Variants in TTN observed in about 807,000 individuals in gnomAD.
TTN encodes the protein connectin.
A neutral mutation model predicts 3,223.0 loss-of-function variants in TTN; 1,525 were observed. The observed-to-expected ratio is 0.47, with a 90% CI of 0.45 to 0.49. The LOEUF is 0.49. Among genes scored for constraint, TTN ranks in the 20% least tolerant of loss-of-function variants. TTN has a pLI of 0.00. For missense variants in TTN, 40,786 were observed against 43,424.0 expected (o/e 0.94, Z 5.40); for synonymous variants, 14,094 against 15,161.0 (o/e 0.93, Z 5.17).
At chr2:178,750,872 A>G in intron 47 of TTN, 2 of 1,613,058 alleles carry the variant, frequency 1.2e-6, no homozygotes, top group East Asian at 2.2e-5. Context: ...AGTATTGGCC[A>G]TAATTTCTTC....
In TTN at chr2:178,634,349, C is replaced by G. The variant is rs774662480; in HGVS notation, c.42415+17G>C. ...CATGCCTTTATGGGATGTCACAGAT[C>G]TCATTAGCTCGCTTACCTGTGACAA... On this transcript the variant is annotated intron_variant, in intron 230 of 362. Transcript: ENST00000589042. This position sits in a 1 kb window ranked among gnomAD's most constrained non-coding sequence, Gnocchi z 4.6. The G allele has an allele frequency of 1.9e-6, 3 of 1,591,808 alleles. No homozygotes were observed. The South Asian group carries it at 3.5e-5, about 18-fold the overall frequency.
In TTN at chr2:178,569,210, C is replaced by A; in HGVS notation, c.76922G>T (p.Arg25641Leu). Reference sequence around the variant, plus strand: ...AGCATATGATTTTCTTGTGGCTTCACGTTTCTCAACAATGTAATTTTTTAT... The same window carrying A: ...AGCATATGATTTTCTTGTGGCTTCAAGTTTCTCAACAATGTAATTTTTTAT... ...SKIKNYIVEKREATRKSYAAV... is the reference protein window; with the variant it reads ...SKIKNYIVEKLEATRKSYAAV... The change falls in exon 326 of 363, where the codon CGT becomes CTT. Residue 25641 changes from arginine (R) to leucine (L), a missense_variant. Coordinates refer to ENST00000589042, the MANE Select transcript of TTN (RefSeq NM_001267550.2). 6.2e-7 allele frequency: 1 copy of A among 1,606,958 alleles called. No individual in the cohort carries two copies.
chr2:178,764,321 A>G lies in TTN; in HGVS notation c.9989-19T>C, dbSNP rs1216292737. 1 of 1,613,618 alleles carries G rather than the reference A, an allele frequency of 6.2e-7. No individual in the cohort carries two copies. The highest frequency in any genetic ancestry group is 1.1e-5 in the South Asian group (1 of 91,072). ...TCTGGAACTAAAGAAAGAAACCACA[A>G]GATTTGTCATGATTAAGTCACCATA... On this transcript the variant is annotated intron_variant, in intron 42 of 362. Coordinates refer to ENST00000589042, the MANE Select transcript of TTN (RefSeq NM_001267550.2).
rs148140756 is a variant in TTN at position 178,650,771 on chromosome 2, G to A, written c.39689C>T (p.Ala13230Val). ...EKPAVPVPER[A>V]ESPPPEVYEE... ...TGTACCTTCTGGGGGAGGAGACTCC[G>A]CTCTTTCTGGAACAGGAACAGCTGG... Residue 13230 changes from alanine (A) to valine (V), a missense_variant, in exon 209 of 363, where the codon GCG (alanine) becomes GTG (valine). By Grantham distance (64) the Ala-to-Val change is moderately conservative (BLOSUM62 0). Transcript: ENST00000589042. 1,576 of 1,606,584 alleles carry A rather than the reference G, an allele frequency of 9.8e-4. No homozygotes were observed. Among genetic ancestry groups the A allele is most frequent in the Non-Finnish European group, 1.2e-3 (1,370 of 1,176,418 alleles).
At position 178,542,539 on chromosome 2, in the gene TTN, G is replaced by A. The variant is rs1469824341; in HGVS notation, c.97217C>T (p.Pro32406Leu). 6.2e-7 allele frequency: 1 copy of A among 1,605,456 alleles called. No homozygotes were observed. Among genetic ancestry groups the A allele is most frequent in the South Asian group, 1.1e-5 (1 of 90,592 alleles). Residue 32406 changes from proline to leucine, a missense_variant, in exon 349 of 363, where the codon CCT (proline) becomes CTT (leucine). Pro to Leu is a moderately conservative substitution (Grantham distance 98). Transcript: ENST00000589042. The part of the protein sequence containing the change: ...ILDKPGPPTG[P>L]IKIDEIDATS... ...AGCATCAATTTCATCAATCTTAATA[G>A]GTCCTGTTGGTGGACCAGGCTTGTC...
chr2:178,575,154 G>A lies in TTN; in HGVS notation c.70978C>T (p.Arg23660Ter), dbSNP rs1553612386. 4 of 1,612,550 alleles carry A rather than the reference G, an allele frequency of 2.5e-6. No individual in the cohort carries two copies. The highest frequency in any genetic ancestry group is 1.7e-5 in the Admixed American group (1 of 59,898). Residue 23660 changes from arginine (R) to a stop codon, truncating the protein, a stop_gained, in exon 326 of 363, where the codon CGA becomes TGA. Coordinates refer to ENST00000589042, the MANE Select transcript of TTN (RefSeq NM_001267550.2). LOFTEE classifies it high-confidence loss of function. The surrounding 1 kb of genome is among the most constrained non-coding windows in gnomAD (Gnocchi z 4.0). ...TTCCATGTCACTGTGGGCTTCGGTC[G>A]ACCGAGCACTGGAATTTCAACTTTG... ...NIKVEIPVLG[R>*]PKPTVTWKKG...
chr2:178,577,162 G>A lies in TTN; in HGVS notation c.69173C>T (p.Thr23058Ile). The change falls in exon 324 of 363, where the codon ACA (threonine) becomes ATA (isoleucine). Residue 23058 changes from threonine (T) to isoleucine (I), a missense_variant. Coordinates refer to ENST00000589042, the MANE Select transcript of TTN (RefSeq NM_001267550.2). The part of the protein sequence containing the change: ...EISNVSAEKA[T>I]LTWTPPLEDG... Reference sequence around the variant, plus strand: ...TTCCAAGGGAGGTGTCCATGTAAGTGTTGCTTTTTCAGCAGAAACATTACT... The same window carrying A: ...TTCCAAGGGAGGTGTCCATGTAAGTATTGCTTTTTCAGCAGAAACATTACT... 47 of 1,613,016 alleles carry A rather than the reference G, an allele frequency of 2.9e-5. No individual in the cohort carries two copies. The highest frequency in any genetic ancestry group is 4.0e-5 in the Non-Finnish European group (47 of 1,179,416).
In TTN at chr2:178,533,133, T is replaced by A; in HGVS notation, c.103482A>T (p.Pro34494=). ...GAGCCTCTTTAGCTACCTGTGTCAGTGGTACACTTTCAGTTCCAGAAAGAA... is the reference window on the plus strand; with the variant it reads ...GAGCCTCTTTAGCTACCTGTGTCAGAGGTACACTTTCAGTTCCAGAAAGAA... The part of the protein sequence containing the change: ...AEILSGTESV[P]LTQVAKEALR... Residue 34494 remains proline (P), a synonymous_variant, in exon 358 of 363, where the codon CCA becomes CCT. Transcript: ENST00000589042. The A allele has an allele frequency of 6.2e-7, 1 of 1,614,004 alleles. No homozygotes were observed. Among genetic ancestry groups the A allele is most frequent in the Non-Finnish European group, 8.5e-7 (1 of 1,179,868 alleles).
chr2:178,730,510 A>G lies in TTN; in HGVS notation c.18023T>C (p.Val6008Ala). 2 of 1,595,324 alleles carry G rather than the reference A, an allele frequency of 1.3e-6. No homozygotes were observed. Among genetic ancestry groups the G allele is most frequent in the Non-Finnish European group, 1.7e-6 (2 of 1,168,472 alleles). The change falls in exon 61 of 363, where the codon GTC becomes GCC. Residue 6008 changes from valine (V) to alanine (A), a missense_variant. Val to Ala is a moderately conservative substitution (Grantham distance 64). Transcript: ENST00000589042. Reference sequence around the variant, plus strand: ...TGGAAATAAAATTTGCCAACCTTTGACTGTCAGATGCCCACTGCATTGGTT... The same window carrying G: ...TGGAAATAAAATTTGCCAACCTTTGGCTGTCAGATGCCCACTGCATTGGTT... ...GHNQCSGHLT[V>A]KEPPYFVEKP...
In TTN at chr2:178,547,289, A is replaced by C. The variant is rs1241964881; in HGVS notation, c.94236T>G (p.Pro31412=). ...ACACATGGTAGACCTCAGGTCTGGTAGGAGCGCTTGGTGGGACTAAATATA... is the reference window on the plus strand; with the variant it reads ...ACACATGGTAGACCTCAGGTCTGGTCGGAGCGCTTGGTGGGACTAAATATA... The part of the protein sequence containing the change: ...AEHPFVPPSA[P]TRPEVYHVSA... The change falls in exon 340 of 363, where the codon CCT becomes CCG. Residue 31412 remains proline, a synonymous_variant. Transcript: ENST00000589042. 1.2e-6 allele frequency: 2 copies of C among 1,609,852 alleles called. No individual in the cohort carries two copies. The highest frequency in any genetic ancestry group is 1.7e-4 in the Middle Eastern group (1 of 6,034).
At position 178,572,684 on chromosome 2, in the gene TTN, A is replaced by G; in HGVS notation, c.73448T>C (p.Leu24483Pro). ...ASIESTSSYT[L>P]LIVGNVNRFD... ...TCTGTTTACATTTCCAACAATAAGC[A>G]GGGTGTAAGAGCTTGTGGATTCGAT... The change falls in exon 326 of 363, where the codon CTG (leucine) becomes CCG (proline). Residue 24483 changes from leucine to proline, a missense_variant. Leu to Pro is a moderately conservative substitution (Grantham distance 98). Transcript: ENST00000589042. 6.2e-7 allele frequency: 1 copy of G among 1,613,196 alleles called. No individual in the cohort carries two copies. Among genetic ancestry groups the G allele is most frequent in the South Asian group, 1.1e-5 (1 of 91,024 alleles).
Position 178,567,601 on chromosome 2 carries a change from G to A in TTN, c.78531C>T (p.Asp26177=), listed in dbSNP as rs1575697404. The change falls in exon 326 of 363, where the codon GAC becomes GAT. Residue 26177 remains aspartate, a synonymous_variant. Coordinates refer to ENST00000589042, the MANE Select transcript of TTN (RefSeq NM_001267550.2). ...NAAGAISKPS[D]STGPITAKDE... ...CCTTGGCAGTTATTGGTCCAGTACT[G>A]TCAGAGGGTTTACTTATTGCACCAG... 6.2e-7 allele frequency: 1 copy of A among 1,611,716 alleles called. No individual in the cohort carries two copies. Among genetic ancestry groups the A allele is most frequent in the Non-Finnish European group, 8.5e-7 (1 of 1,178,512 alleles).
chr2:178,669,677 T>C lies in TTN; in HGVS notation c.35387-2A>G. ...CAATTTTCTTGGGTACTTCGGGTGC[T>C]TTAAAGATATTTATTTATCTTATTT... On this transcript the variant is annotated splice_acceptor_variant, in intron 157 of 362. Transcript: ENST00000589042. LOFTEE classifies it high-confidence loss of function. 1 of 1,610,980 alleles carries C rather than the reference T, an allele frequency of 6.2e-7. No homozygotes were observed. The highest frequency in any genetic ancestry group is 8.5e-7 in the Non-Finnish European group (1 of 1,178,664).
At position 178,567,689 on chromosome 2, in the gene TTN, A is replaced by C. The variant is rs956398655; in HGVS notation, c.78443T>G (p.Phe26148Cys). The C allele has an allele frequency of 2.5e-6, 4 of 1,611,996 alleles. No individual in the cohort carries two copies. The highest frequency in any genetic ancestry group is 1.6e-4 in the Middle Eastern group (1 of 6,076). The change falls in exon 326 of 363, where the codon TTT becomes TGT. Residue 26148 changes from phenylalanine (F) to cysteine (C), a missense_variant. By Grantham distance (205) the Phe-to-Cys change is radical. Transcript: ENST00000589042. ...ASFTNVIETQ[F>C]TVSGLTEDQR... is the part of the protein sequence containing the mutation. ...ATCTTCAGTAAGACCTGACACAGTA[A>C]ATTGAGTTTCAATGACATTTGTAAA...
At chr2:178,772,887 T>A in intron 33 of TTN, 1 of 584,996 alleles carries the variant, frequency 1.7e-6, no homozygotes, top group Non-Finnish European at 3.0e-6. Flanking sequence ...AATGGAGAGA[T>A]TAAGGAAGGT....
chr2:178,600,702 G>A (rs969402968), intron 288 of TTN, 152 bp downstream of exon 288: 30 of 865,814 alleles, frequency 3.5e-5, no homozygotes, highest in Non-Finnish European at 5.6e-5. Context: ...GAAATTGAAG[G>A]AATGAGTAAT....
rs768340647 is a variant in TTN at position 178,539,979 on chromosome 2, G to T, written c.98099-13C>A. On this transcript the variant is annotated splice_polypyrimidine_tract_variant and intron_variant, in intron 351 of 362. Transcript: ENST00000589042. ...TAATCAGGATATTCTGGAAAAAAAG[G>T]TAGGGTTTCAATTTAGCATTTGGGG... 5 of 1,609,468 alleles carry T rather than the reference G, an allele frequency of 3.1e-6. No homozygotes were observed. Among genetic ancestry groups the T allele is most frequent in the Non-Finnish European group, 3.4e-6 (4 of 1,176,770 alleles).
At chr2:178,610,931 C>G in intron 270 of TTN, 62 bp downstream of exon 270, 1 of 1,592,914 alleles carries the variant, frequency 6.3e-7, no homozygotes, top group Non-Finnish European at 8.5e-7. Context: ...AATAGCACTG[C>G]AAAGTTAACT....
At chr2:178,633,151 AC>A (rs747705895) in intron 233 of TTN, 35 bp downstream of exon 233, 1 of 1,603,802 alleles carries the variant, frequency 6.2e-7, no homozygotes, top group Admixed American at 1.7e-5. Flanking sequence ...CAACCAAGCA[AC>A]CCCTCTCCTA....
Sources: gnomAD v4.1 joint callset for allele counts on GRCh38, gnomAD v4.1.1 for gene constraint, Gnocchi (gnomAD v3.1) non-coding constraint, MANE v1.5 for transcripts, NCBI Gene and HGNC (gene_info 2026-07-23, HGNC 2026-07-21) for gene names.